The following GRM5 variants were observed in gnomAD, a reference collection of about 807,000 sequenced individuals.
GRM5 encodes metabotropic glutamate receptor 5.
Under a neutral mutation model 83.1 loss-of-function variants are expected in GRM5, and 19 were observed. The ratio of observed to expected loss-of-function variants is 0.23; its 90% CI spans 0.16 to 0.34. The LOEUF (loss-of-function observed/expected upper bound fraction) is 0.34, where lower values mean the gene tolerates loss of function less well. GRM5 is among the 10% of genes least tolerant of loss of function. The pLI is 1.00. For missense variants in GRM5, 1,160 were observed against 1,588.3 expected, an observed-to-expected ratio of 0.73 and a Z score of 4.58; for synonymous variants, 675 against 633.6, an observed-to-expected ratio of 1.07 and a Z score of -0.98.
At position 88,984,844 on chromosome 11, in the gene GRM5, T is replaced by A. The variant is rs181758816; in HGVS notation, c.661+62368A>T. On this transcript the variant is annotated intron_variant, in intron 2 of 9. Coordinates refer to ENST00000305447, the MANE Select transcript of GRM5 (RefSeq NM_001143831.3). ...CATCATATACTAAAGAATCATTCCA[T>A]CTAATTTCTTCAAATCTCAAGAACA... 36 of 724,746 alleles carry A rather than the reference T, an allele frequency of 5.0e-5. No individual in the cohort carries two copies. The African/African-American group carries it at 6.2e-4, about 13-fold the overall frequency. 44.9% of individuals were successfully genotyped at this position (724,746 alleles called of 1,614,324 possible).
chr11:89,017,612 T>A (rs563677215), intron 2 of GRM5, among the ~76,000 whole-genome samples: 8 of 152,292 alleles, frequency 5.3e-5, no homozygotes, highest in Non-Finnish European at 1.0e-4. Flanking sequence ...AAGCAGAAGC[T>A]GAATGGCCAA....
chr11:88,945,655 C>T (rs1040639898), intron 2 of GRM5, among the ~76,000 whole-genome samples: 1 of 151,902 alleles, frequency 6.6e-6, no homozygotes, highest in Non-Finnish European at 1.5e-5. Flanking sequence ...TCTATTCAAT[C>T]AATGTTGCTG....
intron 3 of GRM5, among the ~76,000 whole-genome samples, chr11:88,761,993 T>A (rs904444824): frequency 1.3e-5 from 2 of 152,144 alleles, no homozygotes; most frequent in Non-Finnish European, 2.9e-5. Context: ...GCTAGCCATA[T>A]GCAGAAGATT....
chr11:88,594,157 A>G (rs1241920655), intron 6 of GRM5, among the ~76,000 whole-genome samples: 3 of 152,174 alleles, frequency 2.0e-5, no homozygotes, highest in Non-Finnish European at 4.4e-5. Context: ...ATTATGTGGT[A>G]ATTTACACTG....
At chr11:88,576,584 G>A (rs1943115462) in intron 7 of GRM5, among the ~76,000 whole-genome samples, 1 of 151,992 alleles carries the variant, frequency 6.6e-6, no homozygotes, top group African/African-American at 2.4e-5. Flanking sequence ...TTTACTCTAT[G>A]TCTCAATTTT....
At chr11:88,557,309 T>G (rs983077966) in intron 8 of GRM5, among the ~76,000 whole-genome samples, 1 of 152,202 alleles carries the variant, frequency 6.6e-6, no homozygotes. Flanking sequence ...AAGTGTTTAC[T>G]GCATAAAGGA....
chr11:89,047,441 T>C lies in GRM5; in HGVS notation c.432A>G (p.Val144=). 3.7e-6 allele frequency: 6 copies of C among 1,613,948 alleles called. No homozygotes were observed. The highest frequency in any genetic ancestry group is 5.1e-6 in the Non-Finnish European group (6 of 1,179,826). The change falls in exon 2 of 10, where the codon GTA becomes GTG. Residue 144 remains valine (V), a synonymous_variant. Transcript: ENST00000305447. This position sits in a 1 kb window ranked among gnomAD's most constrained non-coding sequence, Gnocchi z 5.1. ...AACTGGAGCCAGGCCCAATGACCCC[T>C]ACTATGGGCTTCTTGGAGCGGAAGG... The part of the protein sequence containing the change: ...SSSFRSKKPI[V]GVIGPGSSSV...
chr11:88,993,859 T>G (rs1180965669), intron 2 of GRM5, among the ~76,000 whole-genome samples: 1 of 152,120 alleles, frequency 6.6e-6, no homozygotes, highest in East Asian at 1.9e-4. Context: ...GTACGTGGAA[T>G]GACAGGCTTG....
intron 3 of GRM5, among the ~76,000 whole-genome samples, chr11:88,670,369 A>G (rs1048410058): frequency 6.6e-6 from 1 of 152,064 alleles, no homozygotes; most frequent in Non-Finnish European, 1.5e-5. Flanking sequence ...CAGAACTATT[A>G]AAGTCAAAAT....
chr11:88,843,274 T>C (rs1944236079), intron 3 of GRM5, among the ~76,000 whole-genome samples: 2 of 152,194 alleles, frequency 1.3e-5, no homozygotes, highest in African/African-American at 4.8e-5. Context: ...TTTTCGCTTA[T>C]ATTATTATTT....
chr11:88,616,016 C>G (rs1938470281), intron 4 of GRM5, among the ~76,000 whole-genome samples: 1 of 152,082 alleles, frequency 6.6e-6, no homozygotes, highest in Admixed American at 6.6e-5. Context: ...AATCACAGTT[C>G]TGCCATTTTC....
At chr11:88,638,182 C>A in intron 4 of GRM5, among the ~76,000 whole-genome samples, 1 of 147,976 alleles carries the variant, frequency 6.8e-6, no homozygotes, top group Non-Finnish European at 1.5e-5. Context: ...GGAGGGATAG[C>A]TTTAGGAGAT....
At chr11:88,863,786 A>T (rs558643983) in intron 2 of GRM5, among the ~76,000 whole-genome samples, 71 of 152,006 alleles carry the variant, frequency 4.7e-4, no homozygotes, top group Non-Finnish European at 9.6e-4. Flanking sequence ...AACAAGAGAC[A>T]CTTAAAAATT....
chr11:89,054,691 G>T (rs1941834709), intron 1 of GRM5, among the ~76,000 whole-genome samples: 1 of 151,530 alleles, frequency 6.6e-6, no homozygotes, highest in Non-Finnish European at 1.5e-5. Flanking sequence ...ACGATTTTTT[G>T]AATAGAAACT....
At chr11:88,633,873 A>G (rs1190127467) in intron 4 of GRM5, among the ~76,000 whole-genome samples, 2 of 152,174 alleles carry the variant, frequency 1.3e-5, no homozygotes, top group Non-Finnish European at 2.9e-5. Flanking sequence ...CTTAATGACA[A>G]GGATATGTTC....
At chr11:88,570,769 A>AT (rs1942982123) in intron 7 of GRM5, among the ~76,000 whole-genome samples, 1 of 150,520 alleles carries the variant, frequency 6.6e-6, no homozygotes, top group Admixed American at 6.6e-5. Flanking sequence ...GGATTTCACC[A>AT]TGTTGGCCAG....
At chr11:88,950,351 AGTGT>A (rs55646353) in intron 2 of GRM5, among the ~76,000 whole-genome samples, 3,919 of 147,474 alleles carry the variant, frequency 0.027, 64 homozygotes, top group Middle Eastern at 0.066. Flanking sequence ...TTGTGAGATA[AGTGT>A]GTGTGTGTGT....
At chr11:88,687,210 C>T (rs1591440174) in intron 3 of GRM5, among the ~76,000 whole-genome samples, 1 of 151,814 alleles carries the variant, frequency 6.6e-6, no homozygotes, top group South Asian at 2.1e-4. Context: ...AGCAGCGGCT[C>T]GCGCCTGTAA....
chr11:88,795,513 A>T (rs1367634702), intron 3 of GRM5, among the ~76,000 whole-genome samples: 1 of 152,246 alleles, frequency 6.6e-6, no homozygotes, highest in Admixed American at 6.5e-5. Flanking sequence ...ATTGCTTTCC[A>T]TTTGAAGGTA....
Sources: allele counts gnomAD v4.1 joint callset (sites outside exome capture counted in the v4.1 genomes callset), GRCh38; gene constraint gnomAD v4.1.1; non-coding constraint Gnocchi (gnomAD v3.1); transcripts MANE v1.5; gene names NCBI Gene and HGNC (gene_info 2026-07-23, HGNC 2026-07-21).